MRPS11: variants seen among roughly 807,000 people sequenced by gnomAD.
MRPS11 encodes the protein small ribosomal subunit protein uS11m.
In MRPS11, 27 loss-of-function variants were observed where a neutral mutation model predicts 24.3. That is an observed-to-expected ratio of 1.11 (90% CI 0.82 to 1.53). The LOEUF is 1.53. Ranked by LOEUF, MRPS11 falls within the 40% of genes most tolerant of loss-of-function variation. The pLI, the probability that MRPS11 is intolerant of heterozygous loss-of-function variation, is 0.00. For missense variants in MRPS11, 277 were observed against 256.5 expected (o/e 1.08, Z -0.55); for synonymous variants, 104 against 98.7 (o/e 1.05, Z -0.32).
intron 2 of MRPS11, among the ~76,000 whole-genome samples, chr15:88,471,268 C>T (rs1330138926): frequency 6.6e-6 from 1 of 152,182 alleles, no homozygotes; most frequent in African/African-American, 2.4e-5. Context: ...CTTCTAAGGT[C>T]AAACCCACAG....
intron 2 of MRPS11, chr15:88,468,237 T>A (rs2055597012): frequency 3.6e-6 from 5 of 1,397,534 alleles, no homozygotes; most frequent in Non-Finnish European, 4.7e-6. Context: ...ACAGAGTAAA[T>A]GTTCAGTGAA....
intron 4 of MRPS11, among the ~76,000 whole-genome samples, chr15:88,476,250 C>T (rs1394772745): frequency 6.6e-6 from 1 of 152,160 alleles, no homozygotes; most frequent in Non-Finnish European, 1.5e-5. Flanking sequence ...TGCCCAGAGC[C>T]ATGCACCGAT....
chr15:88,474,834 A>G (rs923291842), intron 3 of MRPS11, among the ~76,000 whole-genome samples: 3 of 152,182 alleles, frequency 2.0e-5, no homozygotes, highest in Admixed American at 2.0e-4. Context: ...TCCCCAATAC[A>G]GTCATTTTCT....
intron 3 of MRPS11, among the ~76,000 whole-genome samples, chr15:88,474,800 C>T (rs1234328095): frequency 6.6e-6 from 1 of 152,180 alleles, no homozygotes. Context: ...TTATTCTCTT[C>T]ACTTTTGTGT....
rs1295584151 is a variant in MRPS11 at position 88,479,216 on chromosome 15, A to G, written c.*1237A>G. ...GGGCTCTAGGGTTCCTGGATACGGC[A>G]CAGAGGCCAAAGGTGGGGGCTCTAG... On this transcript the variant is annotated 3_prime_UTR_variant, in exon 6 of 6. Transcript: ENST00000325844. 3 of 152,206 alleles carry G rather than the reference A, an allele frequency of 2.0e-5. No individual in the cohort carries two copies. The highest frequency in any genetic ancestry group is 2.9e-5 in the Non-Finnish European group (2 of 68,086). The allele number at this position is 152,206 out of a possible 1,614,324, so 9.4% of individuals were successfully genotyped here. A position where few individuals can be genotyped will look rare whatever the true frequency, so the allele number is the denominator to read the frequency against.
chr15:88,477,369 C>T lies in MRPS11; in HGVS notation c.477+315C>T, dbSNP rs1251177187. ...GCTGTGGTAAAGCATGTGCCCAGATCGCTGGGAGCCCATCAGGGGATCCCG... is the reference window on the plus strand; with the variant it reads ...GCTGTGGTAAAGCATGTGCCCAGATTGCTGGGAGCCCATCAGGGGATCCCG... On this transcript the variant is annotated intron_variant, in intron 5 of 5. Transcript: ENST00000325844. This position sits in a 1 kb window ranked among gnomAD's most constrained non-coding sequence, Gnocchi z 5.7. Among the ~76,000 whole-genome samples, 1 of 152,180 alleles carries T rather than the reference C, an allele frequency of 6.6e-6. No individual in the cohort carries two copies.
intron 2 of MRPS11, chr15:88,468,486 T>C: frequency 2.0e-6 from 2 of 1,015,524 alleles, no homozygotes; most frequent in Non-Finnish European, 1.2e-6. Flanking sequence ...ACCACCTCTG[T>C]ATGCTGTATA....
intron 4 of MRPS11, 122 bp from the exon 5 acceptor site, chr15:88,476,867 T>C: frequency 1.1e-6 from 1 of 936,492 alleles, no homozygotes; most frequent in South Asian, 1.5e-5. Flanking sequence ...TTTGCCTCCC[T>C]GTTTACTTCT....
chr15:88,476,537 T>C (rs1278642459), intron 4 of MRPS11, among the ~76,000 whole-genome samples: 3 of 152,222 alleles, frequency 2.0e-5, no homozygotes, highest in Admixed American at 6.5e-5. Flanking sequence ...GAGTCATGAA[T>C]GATTTCTGTA....
In MRPS11 at chr15:88,477,104, A is replaced by G; in HGVS notation, c.477+50A>G. The stretch of plus-strand genomic sequence containing the variant: ...GTACTTGCCTCCTAGTAAGTGTGAG[A>G]ATTTGGGGCTTGAGAGCAGAGTACA... On this transcript the variant is annotated intron_variant, in intron 5 of 5. Coordinates refer to ENST00000325844, the MANE Select transcript of MRPS11 (RefSeq NM_022839.5). The surrounding 1 kb of genome is among the most constrained non-coding windows in gnomAD (Gnocchi z 5.7). 6.3e-7 allele frequency: 1 copy of G among 1,575,196 alleles called. No homozygotes were observed. The highest frequency in any genetic ancestry group is 1.1e-5 in the South Asian group (1 of 88,840).
rs2055632022 is a variant in MRPS11 at position 88,469,283 on chromosome 15, T to C, written c.182+1259T>C. On this transcript the variant is annotated intron_variant, in intron 2 of 5. Coordinates refer to ENST00000325844, the MANE Select transcript of MRPS11 (RefSeq NM_022839.5). The surrounding 1 kb of genome is among the most constrained non-coding windows in gnomAD (Gnocchi z 4.4). ...GTCTGTCACACTGGAGCTTTTACGC[T>C]GTCCCCACTGAAGGCAGTGAGGAGC... 6.6e-6 allele frequency: 1 copy of C among 152,242 alleles called. No homozygotes were observed. The highest frequency in any genetic ancestry group is 1.5e-5 in the Non-Finnish European group (1 of 68,050). The allele number at this position is 152,242 out of a possible 1,614,324, so 9.4% of individuals were successfully genotyped here.
In MRPS11 at chr15:88,467,962, C is replaced by A; in HGVS notation, c.120C>A (p.Leu40=). 6.2e-7 allele frequency: 1 copy of A among 1,612,992 alleles called. No homozygotes were observed. Among genetic ancestry groups the A allele is most frequent in the East Asian group, 2.2e-5 (1 of 44,826 alleles). Reference sequence around the variant, plus strand: ...CCATCTGCACAGGCGCTCGACAGCTCCAAGACGCTGCGGCCAAGCAGAAAG... The same window carrying A: ...CCATCTGCACAGGCGCTCGACAGCTACAAGACGCTGCGGCCAAGCAGAAAG... ...AGTICTGARQ[L]QDAAAKQKVE... Residue 40 remains leucine, a synonymous_variant, in exon 2 of 6, where the codon CTC becomes CTA. Coordinates refer to ENST00000325844, the MANE Select transcript of MRPS11 (RefSeq NM_022839.5).
chr15:88,472,827 G>A, intron 3 of MRPS11, 102 bp downstream of exon 3: 1 of 894,538 alleles, frequency 1.1e-6, no homozygotes, highest in Non-Finnish European at 1.8e-6. Flanking sequence ...AGAAGTGAGG[G>A]TGCTAAGTGC....
In MRPS11 at chr15:88,479,647, C is replaced by G. The variant is rs2055892848; in HGVS notation, c.*1668C>G. ...CAACCGGAGGCTTCTTGGATCAAAG[C>G]CACTGTCGGAAGGAATTAGACTGTT... On this transcript the variant is annotated 3_prime_UTR_variant, in exon 6 of 6. Coordinates refer to ENST00000325844, the MANE Select transcript of MRPS11 (RefSeq NM_022839.5). 1 of 152,174 alleles carries G rather than the reference C, an allele frequency of 6.6e-6. No homozygotes were observed. Among genetic ancestry groups the G allele is most frequent in the Non-Finnish European group, 1.5e-5 (1 of 68,034 alleles). The allele number at this position is 152,174 out of a possible 1,614,324, so 9.4% of individuals were successfully genotyped here.
intron 2 of MRPS11, among the ~76,000 whole-genome samples, chr15:88,470,092 G>A (rs927370875): frequency 2.0e-5 from 3 of 152,110 alleles, no homozygotes; most frequent in African/African-American, 7.2e-5. Context: ...CGAGGCAGGC[G>A]GATCACCGGG....
chr15:88,471,945 T>C (rs115911432), intron 2 of MRPS11, among the ~76,000 whole-genome samples: 7 of 152,336 alleles, frequency 4.6e-5, no homozygotes, highest in Admixed American at 1.3e-4. Flanking sequence ...TGGTCTAGGG[T>C]AGAGGTTGGC....
intron 3 of MRPS11, 83 bp downstream of exon 3, chr15:88,472,808 C>A: frequency 8.6e-7 from 1 of 1,158,568 alleles, no homozygotes; most frequent in South Asian, 1.3e-5. Context: ...GCCCTGAATA[C>A]CCCGGGGTAG....
chr15:88,467,908 C>T lies in MRPS11; in HGVS notation c.66C>T (p.Gly22=). ...LRSWTWPQTA[G]RVVARTPAGT... ...GCCCTCACCGAGCTTTTCTTCCCAG[C>T]AGGGTCGTGGCCAGAACGCCGGCCG... Residue 22 remains glycine (G), a splice_region_variant and synonymous_variant, in exon 2 of 6, where the codon GGC becomes GGT. Transcript: ENST00000325844. The T allele has an allele frequency of 3.1e-6, 5 of 1,613,784 alleles. 1 individual carries two copies. Among genetic ancestry groups the T allele is most frequent in the Non-Finnish European group, 4.2e-6 (5 of 1,180,010 alleles).
At chr15:88,476,580 T>C (rs1353565908) in intron 4 of MRPS11, 4 of 171,300 alleles carry the variant, frequency 2.3e-5, no homozygotes, top group Non-Finnish European at 5.0e-5. Context: ...ACTGCCTTTA[T>C]TATCAAGAAA....
Sources: gnomAD v4.1 joint callset for allele counts (sites outside exome capture counted in the v4.1 genomes callset) on GRCh38, gnomAD v4.1.1 for gene constraint, Gnocchi (gnomAD v3.1) non-coding constraint, MANE v1.5 for transcripts, NCBI Gene and HGNC (gene_info 2026-07-23, HGNC 2026-07-21) for gene names.